The following SLC9A2 variants were observed in gnomAD, a reference collection of about 807,000 sequenced individuals.
SLC9A2 encodes solute carrier family 9 member A2.
In SLC9A2, 42 loss-of-function variants were observed where a neutral mutation model predicts 71.7. The ratio of observed to expected loss-of-function variants is 0.59; its 90% confidence interval spans 0.46 to 0.76. The LOEUF (loss-of-function observed/expected upper bound fraction) is 0.76, where lower values mean the gene tolerates loss of function less well. Ranked by LOEUF, SLC9A2 falls within the 30% of genes least tolerant of loss-of-function variation. The pLI is 0.00. For synonymous variants in SLC9A2, 396 were observed against 392.5 expected, an observed-to-expected ratio of 1.01 and a Z score of -0.10; for missense variants, 829 against 1,017.4, an observed-to-expected ratio of 0.81 and a Z score of 2.52.
chr2:102,655,055 T>C (rs555469711), intron 1 of SLC9A2, among the ~76,000 whole-genome samples: 1 of 152,320 alleles, frequency 6.6e-6, no homozygotes, highest in African/African-American at 2.4e-5. Flanking sequence ...GTCCTAGACA[T>C]TAGTGTACAC....
intron 7 of SLC9A2, among the ~76,000 whole-genome samples, chr2:102,695,692 G>A (rs1181275320): frequency 6.8e-6 from 1 of 147,990 alleles, no homozygotes; most frequent in Non-Finnish European, 1.5e-5. Flanking sequence ...ACACATGGTG[G>A]GAGACTTTGT....
chr2:102,694,567 G>A, intron 6 of SLC9A2, 64 bp downstream of exon 6: 2 of 752,958 alleles, frequency 2.7e-6, no homozygotes, highest in South Asian at 2.7e-5. Flanking sequence ...CAGTCAAACA[G>A]CTTGGTACCA....
chr2:102,634,666 A>T (rs1452977834), intron 1 of SLC9A2, among the ~76,000 whole-genome samples: 7 of 152,230 alleles, frequency 4.6e-5, no homozygotes, highest in Admixed American at 3.9e-4. Context: ...TTTCTAAATT[A>T]TACATGTCAG....
chr2:102,683,989 AGCAAGAC>A (rs1367509661), intron 4 of SLC9A2, 138 bp from the exon 5 acceptor site: 5 of 640,326 alleles, frequency 7.8e-6, no homozygotes, highest in Non-Finnish European at 1.4e-5. Context: ...TGGTATTACT[AGCAAGAC>A]AGAGAAAAAG....
At chr2:102,638,959 G>A (rs181709129) in intron 1 of SLC9A2, among the ~76,000 whole-genome samples, 17 of 152,356 alleles carry the variant, frequency 1.1e-4, no homozygotes, top group Admixed American at 1.0e-3. Context: ...TGAGTTGGGA[G>A]GATCCCTTGA....
chr2:102,631,163 T>C (rs901939225), intron 1 of SLC9A2, among the ~76,000 whole-genome samples: 3 of 152,130 alleles, frequency 2.0e-5, no homozygotes, highest in Non-Finnish European at 4.4e-5. Context: ...ACTATAGATA[T>C]AGACTTAATA....
At chr2:102,705,819 A>G (rs751954491) in intron 10 of SLC9A2, 27 bp from the exon 11 acceptor site, 1 of 1,389,538 alleles carries the variant, frequency 7.2e-7, no homozygotes, top group South Asian at 1.3e-5. Context: ...TGTATAGTTT[A>G]AGTAAGATTT....
intron 3 of SLC9A2, among the ~76,000 whole-genome samples, chr2:102,670,842 A>G (rs6725835): frequency 7.6e-6 from 1 of 131,420 alleles, no homozygotes; most frequent in Non-Finnish European, 1.6e-5. Context: ...AAAAATAGGA[A>G]GGCATGCTTT....
chr2:102,694,994 A>G (rs942113127), intron 6 of SLC9A2, 49 bp from the exon 7 acceptor site: 3 of 1,491,860 alleles, frequency 2.0e-6, no homozygotes, highest in Non-Finnish European at 2.8e-6. Flanking sequence ...AGTGAAAATT[A>G]TTGATTTCAG....
intron 7 of SLC9A2, chr2:102,697,506 A>G (rs1180366153): frequency 6.6e-6 from 1 of 151,740 alleles, no homozygotes; most frequent in Non-Finnish European, 1.5e-5. Flanking sequence ...TGCAGTGGAT[A>G]CACTTATTTT....
intron 8 of SLC9A2, among the ~76,000 whole-genome samples, chr2:102,701,929 G>A (rs943778394): frequency 3.3e-5 from 5 of 152,156 alleles, no homozygotes; most frequent in Non-Finnish European, 7.3e-5. Context: ...TTAGCAAGTA[G>A]GTGAGGTGAG....
chr2:102,667,859 C>T (rs1558713784), intron 3 of SLC9A2, among the ~76,000 whole-genome samples: 1 of 151,956 alleles, frequency 6.6e-6, no homozygotes. Flanking sequence ...CAATCGAGGT[C>T]AGGAGTTCAA....
intron 5 of SLC9A2, among the ~76,000 whole-genome samples, chr2:102,691,095 C>T (rs1479881092): frequency 1.3e-5 from 2 of 152,056 alleles, no homozygotes; most frequent in East Asian, 1.9e-4. Context: ...GGGAGGAAAG[C>T]AGAGATGGAA....
chr2:102,655,645 G>A (rs1304028759), intron 1 of SLC9A2, among the ~76,000 whole-genome samples: 1 of 152,126 alleles, frequency 6.6e-6, no homozygotes, highest in Non-Finnish European at 1.5e-5. Context: ...CATATATGTG[G>A]TCAATTGTTC....
rs895856092 is a variant in SLC9A2 at position 102,705,897 on chromosome 2, C to A, written c.2029C>A (p.Pro677Thr). The change falls in exon 11 of 12, where the codon CCA becomes ACA. Residue 677 changes from proline (P) to threonine (T), a missense_variant. Pro to Thr is a conservative substitution (Grantham distance 38). This residue lies in a region of SLC9A2 where 223 missense variants were observed against 197.5 expected (regional missense o/e 1.13). Coordinates refer to ENST00000233969, the MANE Select transcript of SLC9A2 (RefSeq NM_003048.6). ...YLSLPKNTKLPEKLQKRRTIS... is the reference protein window; with the variant it reads ...YLSLPKNTKLTEKLQKRRTIS... ...ATCCTTACCTAAAAATACGAAGCTT[C>A]CAGAAAAGCTACAAAAGAGGAGGAC... 3.7e-6 allele frequency: 6 copies of A among 1,606,562 alleles called. No homozygotes were observed. Among genetic ancestry groups the A allele is most frequent in the Non-Finnish European group, 5.1e-6 (6 of 1,176,558 alleles).
At chr2:102,621,979 C>A (rs964022903) in intron 1 of SLC9A2, among the ~76,000 whole-genome samples, 1 of 152,128 alleles carries the variant, frequency 6.6e-6, no homozygotes, top group African/African-American at 2.4e-5. Flanking sequence ...AAACCGGAAG[C>A]AAATCTTCAT....
intron 3 of SLC9A2, among the ~76,000 whole-genome samples, chr2:102,672,334 C>G (rs1007431461): frequency 6.0e-5 from 9 of 150,392 alleles, no homozygotes; most frequent in African/African-American, 1.7e-4. Flanking sequence ...ATTACACATA[C>G]AGCTCTGATG....
intron 1 of SLC9A2, among the ~76,000 whole-genome samples, chr2:102,654,328 TTCC>T (rs1376703450): frequency 1.3e-5 from 2 of 151,926 alleles, no homozygotes; most frequent in East Asian, 3.9e-4. Context: ...CTTTTTTTAT[TTCC>T]TCATTTATCA....
chr2:102,689,426 T>A (rs899324330), intron 5 of SLC9A2, among the ~76,000 whole-genome samples: 21 of 152,182 alleles, frequency 1.4e-4, no homozygotes, highest in African/African-American at 5.1e-4. Flanking sequence ...CATGGTGGGG[T>A]AGCCTCTCCC....
Sources: gnomAD v4.1 joint callset for allele counts (sites outside exome capture counted in the v4.1 genomes callset) on GRCh38, gnomAD v4.1.1 for gene constraint, gnomAD v4.1.1 regional missense constraint, MANE v1.5 for transcripts, NCBI Gene and HGNC (gene_info 2026-07-23, HGNC 2026-07-21) for gene names.